The following EGFR variants were observed in gnomAD, a reference collection of about 807,000 sequenced individuals.
EGFR encodes the protein epidermal growth factor receptor, also known as avian erythroblastic leukemia viral (v-erb-b) oncogene homolog.
A neutral mutation model predicts 143.0 loss-of-function variants in EGFR; 58 were observed. That is an observed-to-expected ratio of 0.41 (90% CI 0.33 to 0.50). EGFR has a LOEUF of 0.50. Among genes scored for constraint, EGFR ranks in the 20% least tolerant of loss-of-function variants. The probability of loss-of-function intolerance (pLI) is 0.39; values close to 1 mark genes in which losing one functional copy is unlikely to be tolerated. For synonymous variants in EGFR, 613 were observed against 594.4 expected, an observed-to-expected ratio of 1.03 and a Z score of -0.45; for missense variants, 1,307 against 1,579.0, an observed-to-expected ratio of 0.83 and a Z score of 2.92.
At chr7:55,169,886 G>A (rs561492930) in intron 15 of EGFR, among the ~76,000 whole-genome samples, 1 of 152,324 alleles carries the variant, frequency 6.6e-6, no homozygotes, top group African/African-American at 2.4e-5. Flanking sequence ...ACTGCATCTT[G>A]TAGAAAATTT....
At chr7:55,168,960 G>A (rs1198550762) in intron 15 of EGFR, among the ~76,000 whole-genome samples, 1 of 151,990 alleles carries the variant, frequency 6.6e-6, no homozygotes, top group Non-Finnish European at 1.5e-5. Context: ...ACACTTACAG[G>A]GGTTTCTTTA....
At chr7:55,116,532 C>CACAT (rs905461495) in intron 1 of EGFR, among the ~76,000 whole-genome samples, 2 of 91,688 alleles carry the variant, frequency 2.2e-5, no homozygotes, top group Admixed American at 2.7e-4. Context: ...TCAAAAAAAA[C>CACAT]ACATACACAC....
intron 1 of EGFR, among the ~76,000 whole-genome samples, 185 bp from the exon 2 acceptor site, chr7:55,142,101 C>T (rs980653740): frequency 6.6e-6 from 1 of 152,190 alleles, no homozygotes; most frequent in African/African-American, 2.4e-5. Flanking sequence ...TTTGTATTAT[C>T]AGTCACTAAA....
intron 1 of EGFR, among the ~76,000 whole-genome samples, chr7:55,055,162 C>A (rs1160700874): frequency 6.6e-6 from 1 of 152,158 alleles, no homozygotes; most frequent in Non-Finnish European, 1.5e-5. Context: ...AACTGCCTTC[C>A]CACCCCCTGC....
At chr7:55,054,055 C>T (rs944735957) in intron 1 of EGFR, among the ~76,000 whole-genome samples, 2 of 150,178 alleles carry the variant, frequency 1.3e-5, no homozygotes, top group Non-Finnish European at 3.0e-5. Flanking sequence ...AATGGCTGAG[C>T]GTGGTAGATG....
At chr7:55,055,718 ACACAC>A (rs1393350794) in intron 1 of EGFR, among the ~76,000 whole-genome samples, 1 of 68,000 alleles carries the variant, frequency 1.5e-5, no homozygotes, top group African/African-American at 7.4e-5. Context: ...ACACACACAC[ACACAC>A]CACACACACA....
At chr7:55,144,518 G>A (rs1794649735) in intron 3 of EGFR, among the ~76,000 whole-genome samples, 1 of 152,204 alleles carries the variant, frequency 6.6e-6, no homozygotes, top group South Asian at 2.1e-4. Context: ...GTGCCCAGCA[G>A]AGGGAGTCAT....
chr7:55,182,214 A>C (rs988531919), intron 20 of EGFR: 2 of 154,150 alleles, frequency 1.3e-5, no homozygotes, highest in African/African-American at 4.8e-5. Flanking sequence ...TTTTCTAACA[A>C]TGGGTATACA....
At position 55,187,452 on chromosome 7, in the gene EGFR, G is replaced by A. The variant is rs189644952; in HGVS notation, c.2470-4267G>A. ...GTGCAGCCTCTCAGCCTGCATGGAT[G>A]CCCCAGCTCAGAGCATGACTCTCAG... is the stretch of plus-strand genomic sequence containing the variant. On this transcript the variant is annotated intron_variant, in intron 20 of 27. Transcript: ENST00000275493. Among the ~76,000 whole-genome samples the A allele has an allele frequency of 2.6e-4, 40 of 152,282 alleles. No individual in the cohort carries two copies. The East Asian group carries it at 7.4e-3, about 28-fold the overall frequency.
At chr7:55,073,198 C>T (rs1308464242) in intron 1 of EGFR, among the ~76,000 whole-genome samples, 3 of 152,282 alleles carry the variant, frequency 2.0e-5, no homozygotes, top group East Asian at 1.9e-4. Context: ...AACTATGTGC[C>T]GGATCAAGGA....
chr7:55,156,029 C>T (rs879923111), intron 8 of EGFR, 83 bp downstream of exon 8: 1 of 911,858 alleles, frequency 1.1e-6, no homozygotes, highest in Non-Finnish European at 1.8e-6. Flanking sequence ...AGGAACACAT[C>T]TTCCTCTTCT....
chr7:55,050,509 G>A (rs930461280), intron 1 of EGFR, among the ~76,000 whole-genome samples: 10 of 152,290 alleles, frequency 6.6e-5, no homozygotes, highest in Non-Finnish European at 1.2e-4. Flanking sequence ...GGGCACTTGG[G>A]TTGCTTCTGC....
intron 1 of EGFR, among the ~76,000 whole-genome samples, chr7:55,117,436 G>T (rs1246218334): frequency 2.0e-5 from 3 of 152,222 alleles, no homozygotes; most frequent in African/African-American, 7.2e-5. Context: ...GCATGTTATA[G>T]GTAAGCTGCA....
intron 1 of EGFR, among the ~76,000 whole-genome samples, chr7:55,053,017 C>T (rs894599721): frequency 6.6e-6 from 1 of 152,128 alleles, no homozygotes; most frequent in Non-Finnish European, 1.5e-5. Flanking sequence ...AGACTCCCTG[C>T]TCCCCTGAGT....
chr7:55,120,515 A>C (rs1793138162), intron 1 of EGFR, among the ~76,000 whole-genome samples: 1 of 152,250 alleles, frequency 6.6e-6, no homozygotes, highest in African/African-American at 2.4e-5. Flanking sequence ...TCTGCAAAGC[A>C]TCCCCCATTT....
intron 1 of EGFR, among the ~76,000 whole-genome samples, chr7:55,032,375 A>G (rs1027796528): frequency 6.6e-6 from 1 of 152,208 alleles, no homozygotes; most frequent in African/African-American, 2.4e-5. Flanking sequence ...ATGGGCCTTA[A>G]GGGAAAAAAT....
intron 1 of EGFR, among the ~76,000 whole-genome samples, chr7:55,032,464 C>T (rs1787309686): frequency 6.6e-6 from 1 of 152,192 alleles, no homozygotes; most frequent in Non-Finnish European, 1.5e-5. Context: ...GGCACCAGCA[C>T]ACACTTTTCC....
intron 1 of EGFR, among the ~76,000 whole-genome samples, chr7:55,075,590 C>T (rs1790091106): frequency 6.6e-6 from 1 of 152,150 alleles, no homozygotes; most frequent in South Asian, 2.1e-4. Context: ...GACACATCCT[C>T]TTGAGCTGGG....
intron 22 of EGFR, among the ~76,000 whole-genome samples, chr7:55,198,449 C>T (rs916279663): frequency 2.0e-5 from 3 of 152,154 alleles, no homozygotes; most frequent in Admixed American, 6.6e-5. Context: ...TTATCAGTCA[C>T]TTACTACTTG....
Sources: gnomAD v4.1 joint callset for allele counts (sites outside exome capture counted in the v4.1 genomes callset) on GRCh38, gnomAD v4.1.1 for gene constraint, MANE v1.5 for transcripts, NCBI Gene and HGNC (gene_info 2026-07-23, HGNC 2026-07-21) for gene names.